The following MOSPD2 variants were observed in gnomAD, a reference collection of about 807,000 sequenced individuals.
The protein encoded by MOSPD2 is motile sperm domain containing 2, also known as motile sperm domain-containing protein 2.
A neutral mutation model predicts 41.7 loss-of-function variants in MOSPD2; 5 were observed. The observed-to-expected ratio is 0.12, with a 90% CI of 0.06 to 0.25. The LOEUF is 0.25. MOSPD2 is among the 10% of genes least tolerant of loss of function. The pLI is 1.00. For missense variants in MOSPD2, 282 were observed against 375.2 expected (o/e 0.75, Z 2.05); for synonymous variants, 115 against 126.9 (o/e 0.91, Z 0.63).
At chrX:14,917,671 G>C (rs753760837) in intron 13 of MOSPD2, among the ~76,000 whole-genome samples, 69 of 111,618 alleles carry the variant, frequency 6.2e-4, no homozygotes, top group Admixed American at 1.5e-3. Context: ...AGGGAGAAAG[G>C]CATTTTTCCT....
intron 5 of MOSPD2, 128 bp downstream of exon 5, chrX:14,897,366 C>T: frequency 2.0e-6 from 1 of 500,052 alleles, no homozygotes; most frequent in Non-Finnish European, 3.2e-6. Context: ...TTTATTTTTT[C>T]ACCTTGCAGT....
chrX:14,912,208 T>C (rs1300196578), intron 9 of MOSPD2, 41 bp from the exon 10 acceptor site: 2 of 941,688 alleles, frequency 2.1e-6, no homozygotes, highest in African/African-American at 4.3e-5. Flanking sequence ...AATGGTCATG[T>C]TAATATATGC....
At chrX:14,876,788 A>G (rs1376933912) in intron 2 of MOSPD2, among the ~76,000 whole-genome samples, 1 of 112,246 alleles carries the variant, frequency 8.9e-6, no homozygotes, top group African/African-American at 3.2e-5. Context: ...TAGAGGCATT[A>G]AAACAGAGAT....
chrX:14,908,802 A>C, intron 7 of MOSPD2, 58 bp from the exon 8 acceptor site: 5 of 1,063,038 alleles, frequency 4.7e-6, no homozygotes, highest in African/African-American at 1.8e-5. Context: ...CATTTATGGT[A>C]AATTAATTGA....
chrX:14,888,379 G>A (rs945368148), intron 2 of MOSPD2, among the ~76,000 whole-genome samples: 1 of 110,257 alleles, frequency 9.1e-6, no homozygotes, highest in Non-Finnish European at 1.9e-5. Context: ...GAATTATGGG[G>A]GCAGGTCTTT....
intron 2 of MOSPD2, 21 bp downstream of exon 2, chrX:14,873,779 AT>A (rs1221282134): frequency 8.5e-7 from 1 of 1,170,349 alleles, no homozygotes; most frequent in East Asian, 3.0e-5. Flanking sequence ...TGTTCCAGGT[AT>A]TAAGAAAGGT....
intron 7 of MOSPD2, among the ~76,000 whole-genome samples, chrX:14,907,910 T>G (rs1049807615): frequency 5.4e-5 from 6 of 111,993 alleles, no homozygotes; most frequent in African/African-American, 1.6e-4. Context: ...GTAGCATAGT[T>G]TCAAACATGT....
intron 2 of MOSPD2, among the ~76,000 whole-genome samples, chrX:14,877,235 A>G (rs1168961563): frequency 8.9e-6 from 1 of 112,411 alleles, no homozygotes; most frequent in Non-Finnish European, 1.9e-5. Flanking sequence ...TTACAAGTAT[A>G]TGAATTCATT....
At chrX:14,918,917 T>C in intron 14 of MOSPD2, 135 bp downstream of exon 14, 1 of 472,634 alleles carries the variant, frequency 2.1e-6, no homozygotes, top group South Asian at 3.2e-5. Flanking sequence ...TGTGAAGAGA[T>C]GCCAAATCAG....
chrX:14,908,966 T>A lies in MOSPD2; in HGVS notation c.684T>A (p.Pro228=). ...VQDYVSVEYL[P]PHMGGTDPFK... ...ACTATGTCAGTGTAGAATACCTGCC[T>A]CCCCACATGGGTGGAACTGTAAGTA... Residue 228 remains proline (P), a synonymous_variant, in exon 8 of 15, where the codon CCT becomes CCA. Transcript: ENST00000380492. The A allele has an allele frequency of 8.6e-7, 1 of 1,159,986 alleles. No homozygotes were observed. Among genetic ancestry groups the A allele is most frequent in the African/African-American group, 1.8e-5 (1 of 56,812 alleles).
intron 4 of MOSPD2, among the ~76,000 whole-genome samples, chrX:14,895,701 A>G (rs1357999164): frequency 8.9e-6 from 1 of 112,273 alleles, no homozygotes; most frequent in Non-Finnish European, 1.9e-5. Context: ...AACTCGTCTT[A>G]GTATTTTTAT....
chrX:14,914,011 T>C (rs2092596123), intron 10 of MOSPD2, among the ~76,000 whole-genome samples: 1 of 112,229 alleles, frequency 8.9e-6, no homozygotes, highest in African/African-American at 3.2e-5. Context: ...CCCTATTACT[T>C]AGAAAAGCTG....
intron 5 of MOSPD2, among the ~76,000 whole-genome samples, chrX:14,897,670 G>T (rs1420064932): frequency 1.8e-5 from 2 of 112,258 alleles, no homozygotes; most frequent in Non-Finnish European, 3.8e-5. Context: ...TTTTACAGTT[G>T]CAAGATGTTC....
At position 14,873,489 on chromosome X, in the gene MOSPD2, G is replaced by A; in HGVS notation, c.-40G>A. ...ATACTCGGTCGGCGACGGTAGAACG[G>A]GCGACGGCGACAACCGCAATCACAT... On this transcript the variant is annotated 5_prime_UTR_variant, in exon 1 of 15. Coordinates refer to ENST00000380492, the MANE Select transcript of MOSPD2 (RefSeq NM_152581.4). 8.3e-7 allele frequency: 1 copy of A among 1,211,284 alleles called. No homozygotes were observed. The highest frequency in any genetic ancestry group is 1.1e-6 in the Non-Finnish European group (1 of 895,135).
At chrX:14,893,770 C>T (rs1251693667) in intron 3 of MOSPD2, among the ~76,000 whole-genome samples, 1 of 112,634 alleles carries the variant, frequency 8.9e-6, no homozygotes, top group Non-Finnish European at 1.9e-5. Context: ...GGAAATTTAA[C>T]AAATGTAGGT....
chrX:14,882,298 A>C (rs987035903), intron 2 of MOSPD2, among the ~76,000 whole-genome samples: 3 of 110,943 alleles, frequency 2.7e-5, no homozygotes, highest in Non-Finnish European at 5.7e-5. Context: ...CATTGAACTC[A>C]CGCAAGTAGT....
intron 2 of MOSPD2, among the ~76,000 whole-genome samples, chrX:14,888,333 C>T (rs1323793418): frequency 9.1e-6 from 1 of 110,006 alleles, no homozygotes; most frequent in Non-Finnish European, 1.9e-5. Flanking sequence ...CCCACAATTC[C>T]CATGTGTTGT....
chrX:14,890,261 A>G (rs2092551377), intron 2 of MOSPD2, among the ~76,000 whole-genome samples: 1 of 111,059 alleles, frequency 9.0e-6, no homozygotes, highest in South Asian at 3.7e-4. Flanking sequence ...TTAAGTTTTG[A>G]CCCTTGAGTA....
chrX:14,876,008 T>C (rs2079577077), intron 2 of MOSPD2, among the ~76,000 whole-genome samples: 1 of 111,993 alleles, frequency 8.9e-6, no homozygotes, highest in South Asian at 3.6e-4. Flanking sequence ...TCTCAATATA[T>C]ACTTACTGAA....
Sources: allele counts gnomAD v4.1 joint callset (sites outside exome capture counted in the v4.1 genomes callset), GRCh38; gene constraint gnomAD v4.1.1; transcripts MANE v1.5; gene names NCBI Gene and HGNC (gene_info 2026-07-23, HGNC 2026-07-21).